The following GRM7 variants were observed in gnomAD, a reference collection of about 807,000 sequenced individuals.
The protein encoded by GRM7 is glutamate metabotropic receptor 7.
GRM7 carries 35 observed loss-of-function variants against 84.5 expected under a neutral mutation model. The ratio of observed to expected loss-of-function variants is 0.41; its 90% CI spans 0.32 to 0.55. GRM7 has a LOEUF of 0.55. GRM7 is among the 20% of genes least tolerant of loss of function. The pLI is 0.19. For missense variants in GRM7, 1,003 were observed against 1,194.6 expected, an observed-to-expected ratio of 0.84 and a Z score of 2.36; for synonymous variants, 487 against 455.1, an observed-to-expected ratio of 1.07 and a Z score of -0.89.
At chr3:7,073,824 TGG>T (rs1195621765) in intron 1 of GRM7, among the ~76,000 whole-genome samples, 28 of 151,032 alleles carry the variant, frequency 1.9e-4, no homozygotes, top group African/African-American at 6.7e-4. Context: ...ATAAGGTTTA[TGG>T]TCTTAGAGTA....
In GRM7 at chr3:7,497,114, T is replaced by C. The variant is rs564037987; in HGVS notation, c.1515+35392T>C. 4.3e-4 allele frequency among the ~76,000 whole-genome samples: 65 copies of C among 152,138 alleles called. No homozygotes were observed. The South Asian group carries it at 0.013, about 31-fold the overall frequency. Reference sequence around the variant, plus strand: ...AGGTTATTTAGAACTTGTGGCCATGTCTAGCATGGTCATGAAGTGGCTCTC... The same window carrying C: ...AGGTTATTTAGAACTTGTGGCCATGCCTAGCATGGTCATGAAGTGGCTCTC... On this transcript the variant is annotated intron_variant, in intron 7 of 9. Coordinates refer to ENST00000357716, the MANE Select transcript of GRM7 (RefSeq NM_000844.4).
At chr3:7,548,022 G>T (rs1185841342) in intron 7 of GRM7, among the ~76,000 whole-genome samples, 2 of 152,198 alleles carry the variant, frequency 1.3e-5, no homozygotes, top group Admixed American at 1.3e-4. Context: ...GGCAGGCAAG[G>T]ACAAGTTTGG....
intron 1 of GRM7, among the ~76,000 whole-genome samples, chr3:6,933,946 A>G (rs1697597489): frequency 6.6e-6 from 1 of 152,176 alleles, no homozygotes; most frequent in Non-Finnish European, 1.5e-5. Flanking sequence ...GAAGGAACCA[A>G]CAGGATCAGG....
intron 1 of GRM7, among the ~76,000 whole-genome samples, chr3:6,961,912 A>G (rs1172759563): frequency 8.5e-5 from 13 of 152,144 alleles, no homozygotes; most frequent in Non-Finnish European, 4.4e-5. Context: ...TCCCATCTAA[A>G]AAAAAATAAA....
intron 1 of GRM7, among the ~76,000 whole-genome samples, chr3:6,880,327 C>T (rs75633592): frequency 6.6e-6 from 1 of 152,028 alleles, no homozygotes; most frequent in Non-Finnish European, 1.5e-5. Flanking sequence ...ATTATACAAC[C>T]CCCTAGAGAG....
chr3:7,340,493 TATGGGAGAA>T (rs1272099885), intron 4 of GRM7, among the ~76,000 whole-genome samples: 3 of 152,024 alleles, frequency 2.0e-5, no homozygotes, highest in African/African-American at 7.2e-5. Context: ...ATGAGAACAG[TATGGGAGAA>T]ATGGCTCTTG....
intron 9 of GRM7, chr3:7,686,406 C>T (rs762548302): frequency 4.0e-5 from 63 of 1,560,332 alleles, no homozygotes; most frequent in Non-Finnish European, 1.8e-6. Flanking sequence ...TTACTTGGTA[C>T]ACTATCCCAC....
chr3:6,885,143 G>T (rs1389166494), intron 1 of GRM7, among the ~76,000 whole-genome samples: 1 of 152,096 alleles, frequency 6.6e-6, no homozygotes, highest in Admixed American at 6.6e-5. Flanking sequence ...GGCTTAGCCC[G>T]AGAGGGTTCT....
At chr3:7,515,088 C>A (rs1331243311) in intron 7 of GRM7, among the ~76,000 whole-genome samples, 1 of 151,864 alleles carries the variant, frequency 6.6e-6, no homozygotes, top group African/African-American at 2.4e-5. Flanking sequence ...TTGATAAACA[C>A]CTCAAAGAGT....
In GRM7 at chr3:7,201,130, C is replaced by T. The variant is rs574213435; in HGVS notation, c.736+54462C>T. On this transcript the variant is annotated intron_variant, in intron 2 of 9. Coordinates refer to ENST00000357716, the MANE Select transcript of GRM7 (RefSeq NM_000844.4). ...GACTACAGACACCCACCACCACGCC[C>T]GGCTAATTTTTTGTATTTTTAGTAG... is the stretch of plus-strand genomic sequence containing the variant. Among the ~76,000 whole-genome samples, 8 of 151,902 alleles carry T rather than the reference C, an allele frequency of 5.3e-5. No homozygotes were observed. The East Asian group carries it at 1.2e-3, about 22-fold the overall frequency.
At chr3:7,064,920 T>C (rs141985017) in intron 1 of GRM7, among the ~76,000 whole-genome samples, 29 of 152,082 alleles carry the variant, frequency 1.9e-4, no homozygotes, top group Non-Finnish European at 3.8e-4. Flanking sequence ...GGTTTTGATT[T>C]ACATTTCTTT....
At chr3:7,012,089 A>G (rs1695392191) in intron 1 of GRM7, among the ~76,000 whole-genome samples, 5 of 152,136 alleles carry the variant, frequency 3.3e-5, no homozygotes, top group Admixed American at 3.3e-4. Context: ...TCACTAGAGT[A>G]CCCTGACTCT....
chr3:7,472,918 A>G (rs563083544), intron 7 of GRM7, among the ~76,000 whole-genome samples: 41 of 152,270 alleles, frequency 2.7e-4, no homozygotes, highest in African/African-American at 8.7e-4. Context: ...ATCTCTTTCA[A>G]TGACAAAGCA....
At chr3:7,077,147 T>C (rs1403880328) in intron 1 of GRM7, among the ~76,000 whole-genome samples, 1 of 152,172 alleles carries the variant, frequency 6.6e-6, no homozygotes, top group Non-Finnish European at 1.5e-5. Context: ...AGTTCATCCA[T>C]TGTGGAAGAC....
intron 9 of GRM7, chr3:7,680,626 G>T: frequency 3.7e-6 from 1 of 270,378 alleles, no homozygotes; most frequent in Non-Finnish European, 7.1e-6. Context: ...TCCTGCTAAG[G>T]CAACAACTTT....
chr3:6,894,168 A>G (rs1309043358), intron 1 of GRM7: 1 of 152,152 alleles, frequency 6.6e-6, no homozygotes, highest in Admixed American at 6.6e-5. Flanking sequence ...AGTGATCCTG[A>G]GTACACCTAG....
chr3:7,721,669 G>A (rs1262068923), intron 9 of GRM7, among the ~76,000 whole-genome samples: 1 of 152,172 alleles, frequency 6.6e-6, no homozygotes, highest in Admixed American at 6.5e-5. Context: ...CTCATTTATA[G>A]TCTCCAGTGA....
At chr3:6,894,737 G>T (rs954884105) in intron 1 of GRM7, among the ~76,000 whole-genome samples, 2 of 152,116 alleles carry the variant, frequency 1.3e-5, no homozygotes, top group African/African-American at 4.8e-5. Flanking sequence ...CTGACTTTAG[G>T]ATAAAATCAA....
chr3:7,527,851 A>C (rs924297176), intron 7 of GRM7, among the ~76,000 whole-genome samples: 1 of 152,080 alleles, frequency 6.6e-6, no homozygotes, highest in Non-Finnish European at 1.5e-5. Context: ...ATGTTGAAGT[A>C]AACTTGCATG....
Sources: gnomAD v4.1 joint callset for allele counts (sites outside exome capture counted in the v4.1 genomes callset) on GRCh38, gnomAD v4.1.1 for gene constraint, MANE v1.5 for transcripts, NCBI Gene and HGNC (gene_info 2026-07-23, HGNC 2026-07-21) for gene names.